NDEL1: variants seen among roughly 807,000 people sequenced by gnomAD.
NDEL1 encodes nudE neurodevelopment protein 1 like 1, also known as nuclear distribution protein nudE-like 1.
Under a neutral mutation model 45.7 loss-of-function variants are expected in NDEL1, and 9 were observed. That is an observed-to-expected ratio of 0.20 (90% CI 0.12 to 0.34). The LOEUF is 0.34. Among genes scored for constraint, NDEL1 ranks in the 10% least tolerant of loss-of-function variants. The pLI is 1.00. For synonymous variants in NDEL1, 133 were observed against 158.6 expected, an observed-to-expected ratio of 0.84 and a Z score of 1.21; for missense variants, 306 against 406.2, an observed-to-expected ratio of 0.75 and a Z score of 2.12.
intron 6 of NDEL1, among the ~76,000 whole-genome samples, chr17:8,452,740 C>CTTTTTTTTTTTTTTTTTTTTTTTTTT: frequency 2.1e-5 from 2 of 95,626 alleles, no homozygotes; most frequent in East Asian, 3.0e-4. Flanking sequence ...TTTTTCTTCT[C>CTTTTTTTTTTTTTTTTTTTTTTTTTT]TTTTTTTTTT....
At chr17:8,456,709 T>G (rs1438960811) in intron 7 of NDEL1, among the ~76,000 whole-genome samples, 1 of 152,098 alleles carries the variant, frequency 6.6e-6, no homozygotes, top group East Asian at 1.9e-4. Context: ...ATGTTGGCCA[T>G]GCTGGTCTTG....
At chr17:8,433,189 G>C (rs1909059846), upstream of NDEL1, among the ~76,000 whole-genome samples, 1 of 152,078 alleles carries the variant, frequency 6.6e-6, no homozygotes, top group Non-Finnish European at 1.5e-5. Context: ...GCTGACCTGG[G>C]CACAATGGTT....
chr17:8,432,340 A>T (rs1346269441), upstream of NDEL1, among the ~76,000 whole-genome samples: 1 of 17,470 alleles, frequency 5.7e-5, no homozygotes, highest in East Asian at 0.015. Flanking sequence ...TATATATATT[A>T]TATATAAATA....
At chr17:8,461,719 A>G (rs1217342440) in intron 8 of NDEL1, among the ~76,000 whole-genome samples, 1 of 152,214 alleles carries the variant, frequency 6.6e-6, no homozygotes, top group Non-Finnish European at 1.5e-5. Flanking sequence ...CCTGAATGAT[A>G]TGGAGAACTT....
chr17:8,458,170 G>GT lies in NDEL1; in HGVS notation c.793-1827dup, dbSNP rs1056220651. Among the ~76,000 whole-genome samples, 479 of 143,008 alleles carry GT rather than the reference G, an allele frequency of 3.3e-3. 1 individual carries two copies. Among genetic ancestry groups the GT allele is most frequent in the Middle Eastern group, 0.011 (3 of 276 alleles). The allele number at this position is 143,008 out of a possible 152,430, so 93.8% of individuals were successfully genotyped here. ...TTACTTGAAGCATTCAACACTGACCGTTTTTTTTTTTTAATGCCCTCTTTT... is the reference window on the plus strand; with the variant it reads ...TTACTTGAAGCATTCAACACTGACCGTTTTTTTTTTTTTAATGCCCTCTTTT... On this transcript the variant is annotated intron_variant, in intron 7 of 8. Transcript: ENST00000334527.
rs376362214 is a variant in NDEL1, at chr17:8,428,895, G to T, written c.-12-15365G>T. Among the ~76,000 whole-genome samples the T allele has an allele frequency of 4.1e-4, 62 of 151,622 alleles. 2 individuals carry two copies. Among genetic ancestry groups the T allele is most frequent in the Non-Finnish European group, 1.8e-4 (12 of 67,908 alleles). On this transcript the variant is annotated intron_variant, in intron 1 of 4. Transcript: ENST00000582812. ...TCACCGTGTTAGCCAAGATGGTCTC[G>T]ATCTCCTGACCTTGTGATCTGCCTG... is the stretch of plus-strand genomic sequence containing the variant.
intron 7 of NDEL1, among the ~76,000 whole-genome samples, chr17:8,456,332 G>A (rs1362294583): frequency 2.0e-5 from 3 of 151,950 alleles, no homozygotes; most frequent in Non-Finnish European, 4.4e-5. Flanking sequence ...CCTCTATGTT[G>A]GAGTATTTGT....
intron 7 of NDEL1, among the ~76,000 whole-genome samples, chr17:8,456,980 A>G (rs916810478): frequency 6.6e-6 from 1 of 152,250 alleles, no homozygotes; most frequent in African/African-American, 2.4e-5. Context: ...TTACTGTGTA[A>G]TCACAGAGGA....
At chr17:8,444,087 GAGTGGAGC>G (rs1170288989) in intron 1 of NDEL1, 165 bp from the exon 2 acceptor site, 2 of 529,858 alleles carry the variant, frequency 3.8e-6, no homozygotes, top group African/African-American at 3.9e-5. Context: ...TGGTCCCTGA[GAGTGGAGC>G]AGTGGAGTGA....
chr17:8,465,024 T>G lies in NDEL1; in HGVS notation c.945-1906T>G, dbSNP rs1911482466. Reference sequence around the variant, plus strand: ...GCATCCAATGGTGCTCCCTTTCTGCTGGGTTCCGGGCACTGTCTGCAGTAC... The same window carrying G: ...GCATCCAATGGTGCTCCCTTTCTGCGGGGTTCCGGGCACTGTCTGCAGTAC... On this transcript the variant is annotated intron_variant, in intron 8 of 8. Coordinates refer to ENST00000334527, the MANE Select transcript of NDEL1 (RefSeq NM_030808.5). This position sits in a 1 kb window ranked among gnomAD's most constrained non-coding sequence, Gnocchi z 4.9. 3.3e-5 allele frequency: 5 copies of G among 152,450 alleles called. No individual in the cohort carries two copies. In the South Asian group the frequency reaches 1.0e-3, roughly 32 times the overall value. 9.4% of individuals were successfully genotyped at this position (152,450 alleles called of 1,614,324 possible).
At chr17:8,450,347 A>G (rs995630746) in intron 5 of NDEL1, among the ~76,000 whole-genome samples, 1 of 152,178 alleles carries the variant, frequency 6.6e-6, no homozygotes, top group Non-Finnish European at 1.5e-5. Context: ...ACCGTTCTGA[A>G]TACTTCTTTT....
intron 1 of NDEL1, among the ~76,000 whole-genome samples, chr17:8,441,228 A>G (rs1909713130): frequency 1.3e-5 from 2 of 152,208 alleles, no homozygotes; most frequent in South Asian, 2.1e-4. Context: ...AAGCATAACA[A>G]AATATTTAAG....
intron 8 of NDEL1, chr17:8,464,664 A>C (rs1467880297): frequency 6.6e-6 from 1 of 152,128 alleles, no homozygotes. Flanking sequence ...TACTTTTCCC[A>C]TTAGAGCCGG....
intron 1 of NDEL1, among the ~76,000 whole-genome samples, chr17:8,427,509 T>C (rs1908867245): frequency 6.6e-6 from 1 of 152,146 alleles, no homozygotes; most frequent in Non-Finnish European, 1.5e-5. Flanking sequence ...AAGACCTGTC[T>C]GGCCAACATG....
intron 6 of NDEL1, among the ~76,000 whole-genome samples, chr17:8,454,310 A>G (rs1196270335): frequency 6.6e-6 from 1 of 152,108 alleles, no homozygotes; most frequent in Non-Finnish European, 1.5e-5. Context: ...TAAACAGCTG[A>G]TTTTCAGAAG....
intron 1 of NDEL1, among the ~76,000 whole-genome samples, chr17:8,421,818 G>C (rs1908714372): frequency 6.6e-6 from 1 of 152,164 alleles, no homozygotes; most frequent in Non-Finnish European, 1.5e-5. Context: ...TCCCAGGAGA[G>C]GGCTGACTCT....
chr17:8,423,233 A>G (rs1908747302), intron 1 of NDEL1, among the ~76,000 whole-genome samples: 1 of 152,214 alleles, frequency 6.6e-6, no homozygotes, highest in Non-Finnish European at 1.5e-5. Context: ...GCAATCCTTA[A>G]CATTCCAGAT....
intron 1 of NDEL1, among the ~76,000 whole-genome samples, chr17:8,429,438 T>C (rs550997622): frequency 6.6e-6 from 1 of 152,282 alleles, no homozygotes; most frequent in Admixed American, 6.5e-5. Flanking sequence ...TTGTGAACTG[T>C]GTAGAGCTCC....
chr17:8,432,352 A>ATATATATATATATTATATAT (rs1567722392), upstream of NDEL1, among the ~76,000 whole-genome samples: 1 of 28,736 alleles, frequency 3.5e-5, no homozygotes, highest in African/African-American at 6.6e-5. Context: ...ATATAAATAT[A>ATATATATATATATTATATAT]AATATAAATA....
Sources: gnomAD v4.1 joint callset for allele counts (sites outside exome capture counted in the v4.1 genomes callset) on GRCh38, gnomAD v4.1.1 for gene constraint, Gnocchi (gnomAD v3.1) non-coding constraint, MANE v1.5 for transcripts, NCBI Gene and HGNC (gene_info 2026-07-23, HGNC 2026-07-21) for gene names.